Variants in KLHL1 observed in about 807,000 individuals in gnomAD.
The protein encoded by KLHL1 is kelch-like protein 1.
Under a neutral mutation model 77.7 loss-of-function variants are expected in KLHL1, and 47 were observed. The observed-to-expected ratio is 0.60, with a 90% confidence interval of 0.48 to 0.77. KLHL1 has a LOEUF of 0.77. Among genes scored for constraint, KLHL1 ranks in the 30% least tolerant of loss-of-function variants. The pLI is 0.00. For missense variants in KLHL1, 925 were observed against 910.8 expected, an observed-to-expected ratio of 1.02 and a Z score of -0.20; for synonymous variants, 360 against 325.2, an observed-to-expected ratio of 1.11 and a Z score of -1.15.
intron 1 of KLHL1, among the ~76,000 whole-genome samples, chr13:70,066,580 G>A (rs563737265): frequency 6.6e-6 from 1 of 152,300 alleles, no homozygotes; most frequent in South Asian, 2.1e-4. Flanking sequence ...TTTGGCCATG[G>A]ATTCATAGTC....
chr13:70,086,963 G>T (rs1260146094), intron 1 of KLHL1, among the ~76,000 whole-genome samples: 3 of 152,102 alleles, frequency 2.0e-5, no homozygotes, highest in African/African-American at 4.8e-5. Context: ...GGGTCAGGGG[G>T]GAATGGCATG....
intron 7 of KLHL1, among the ~76,000 whole-genome samples, chr13:69,753,178 T>C (rs1874561496): frequency 2.0e-5 from 3 of 152,198 alleles, no homozygotes; most frequent in Non-Finnish European, 4.4e-5. Flanking sequence ...CAGGAGTGTT[T>C]ACTGTAATAA....
At chr13:70,071,526 C>A (rs570091571) in intron 1 of KLHL1, among the ~76,000 whole-genome samples, 1 of 152,110 alleles carries the variant, frequency 6.6e-6, no homozygotes, top group South Asian at 2.1e-4. Flanking sequence ...AATATGCGAT[C>A]TTCTCAAGCT....
At chr13:69,836,432 C>T (rs1345684278) in intron 6 of KLHL1, among the ~76,000 whole-genome samples, 3 of 152,016 alleles carry the variant, frequency 2.0e-5, no homozygotes, top group Non-Finnish European at 4.4e-5. Flanking sequence ...ATAGATTTAT[C>T]TCAGAACTAG....
At chr13:70,084,258 T>C (rs572121840) in intron 1 of KLHL1, among the ~76,000 whole-genome samples, 62 of 152,122 alleles carry the variant, frequency 4.1e-4, no homozygotes, top group Non-Finnish European at 7.5e-4. Context: ...TTCAGAACTG[T>C]GCCTAGTATA....
chr13:69,733,969 G>T (rs1377279173), intron 8 of KLHL1, among the ~76,000 whole-genome samples: 1 of 152,180 alleles, frequency 6.6e-6, no homozygotes, highest in African/African-American at 2.4e-5. Flanking sequence ...CAGTAGTTGA[G>T]TGTAGGAGAA....
chr13:69,869,610 G>T (rs753599106), intron 5 of KLHL1, among the ~76,000 whole-genome samples: 3 of 152,040 alleles, frequency 2.0e-5, no homozygotes, highest in Non-Finnish European at 4.4e-5. Context: ...TATCTGTCTG[G>T]TTCTCTGAAT....
intron 8 of KLHL1, among the ~76,000 whole-genome samples, chr13:69,730,657 C>T (rs985632539): frequency 2.4e-4 from 37 of 152,026 alleles, no homozygotes; most frequent in African/African-American, 8.7e-4. Flanking sequence ...TCACTAGCCT[C>T]AACTTCCTGA....
chr13:69,901,050 T>C (rs1417594259), intron 4 of KLHL1, among the ~76,000 whole-genome samples: 2 of 152,232 alleles, frequency 1.3e-5, no homozygotes, highest in Non-Finnish European at 2.9e-5. Context: ...TTTATCTAAT[T>C]ATTACCATAA....
intron 9 of KLHL1, among the ~76,000 whole-genome samples, chr13:69,718,370 T>G (rs1213315325): frequency 6.6e-6 from 1 of 151,744 alleles, no homozygotes; most frequent in Non-Finnish European, 1.5e-5. Flanking sequence ...CTCTCTGGCT[T>G]TTTCCTTTTG....
intron 3 of KLHL1, 80 bp downstream of exon 3, chr13:69,961,228 A>C (rs1198195265): frequency 3.0e-6 from 4 of 1,349,688 alleles, no homozygotes; most frequent in Non-Finnish European, 4.1e-6. Flanking sequence ...TTTTTTAAAA[A>C]AGCGTTAAAT....
intron 3 of KLHL1, among the ~76,000 whole-genome samples, chr13:69,958,269 C>A (rs1883954434): frequency 6.6e-6 from 1 of 150,554 alleles, no homozygotes; most frequent in African/African-American, 2.5e-5. Context: ...TAATGTAAGT[C>A]TACATGTTTG....
chr13:70,105,532 TAG>T (rs1888032124), intron 1 of KLHL1, among the ~76,000 whole-genome samples: 1 of 151,422 alleles, frequency 6.6e-6, no homozygotes, highest in Non-Finnish European at 1.5e-5. Context: ...CCTGAGCTGT[TAG>T]AGTCTCAAAA....
chr13:70,009,955 C>G (rs1217277423), intron 1 of KLHL1, among the ~76,000 whole-genome samples: 1 of 148,528 alleles, frequency 6.7e-6, no homozygotes, highest in African/African-American at 2.5e-5. Flanking sequence ...ATAATAAAGT[C>G]ACATTTTAAG....
Position 69,839,015 on chromosome 13 carries a change from C to T in KLHL1, c.1375G>A (p.Gly459Arg), listed in dbSNP as rs1330006696. The change falls in exon 6 of 11, where the codon GGA becomes AGA. Residue 459 changes from glycine (G) to arginine (R), a missense_variant. Physicochemically the swap from Gly to Arg is moderately radical, Grantham distance 125. Transcript: ENST00000377844. ...PRTKPRKSTVGTLYAVGGMDN... is the reference protein window; with the variant it reads ...PRTKPRKSTVRTLYAVGGMDN... ...ATTCCTCCTACAGCATACAAAGTTCCGACTGTAGATTTTCTGGGTTTAGTT... is the reference window on the plus strand; with the variant it reads ...ATTCCTCCTACAGCATACAAAGTTCTGACTGTAGATTTTCTGGGTTTAGTT... 6.2e-6 allele frequency: 10 copies of T among 1,609,266 alleles called. No homozygotes were observed. The highest frequency in any genetic ancestry group is 2.2e-5 in the South Asian group (2 of 90,326).
At chr13:69,743,942 CTA>C (rs1466069260) in intron 7 of KLHL1, among the ~76,000 whole-genome samples, 1 of 151,686 alleles carries the variant, frequency 6.6e-6, no homozygotes, top group East Asian at 1.9e-4. Flanking sequence ...CTTGAGAACT[CTA>C]TTTTGGATAT....
intron 3 of KLHL1, among the ~76,000 whole-genome samples, chr13:69,955,378 A>C (rs144270903): frequency 0.01 from 1,566 of 151,466 alleles, 27 homozygotes; most frequent in African/African-American, 0.035. Flanking sequence ...TGGCACACAA[A>C]CTTTTTCTAC....
At chr13:69,718,613 T>G (rs1021174207) in intron 9 of KLHL1, among the ~76,000 whole-genome samples, 1 of 152,088 alleles carries the variant, frequency 6.6e-6, no homozygotes, top group Non-Finnish European at 1.5e-5. Flanking sequence ...TCCTATGTAA[T>G]AGGAAATATT....
intron 7 of KLHL1, among the ~76,000 whole-genome samples, chr13:69,785,174 G>A (rs529919140): frequency 2.0e-5 from 3 of 151,912 alleles, no homozygotes; most frequent in African/African-American, 4.8e-5. Context: ...TTACAGGCGT[G>A]AGCCACCGCG....
Sources: allele counts gnomAD v4.1 joint callset (sites outside exome capture counted in the v4.1 genomes callset), GRCh38; gene constraint gnomAD v4.1.1; transcripts MANE v1.5; gene names NCBI Gene and HGNC (gene_info 2026-07-23, HGNC 2026-07-21).